Variants in PCDHGB6 observed in about 807,000 individuals in gnomAD.
PCDHGB6 encodes the protein protocadherin gamma subfamily B, 6.
In PCDHGB6, 51 loss-of-function variants were observed where a neutral mutation model predicts 59.1. That is an observed-to-expected ratio of 0.86 (90% CI 0.69 to 1.09). The LOEUF is 1.09. Among genes scored for constraint, PCDHGB6 ranks in the 50% least tolerant of loss-of-function variants. PCDHGB6 has a pLI of 0.00. For synonymous variants in PCDHGB6, 466 were observed against 495.1 expected, an observed-to-expected ratio of 0.94 and a Z score of 0.78; for missense variants, 1,148 against 1,205.1, an observed-to-expected ratio of 0.95 and a Z score of 0.70.
Position 141,429,441 on chromosome 5 carries a change from T to C in PCDHGB6, c.2418+18821T>C, listed in dbSNP as rs541676798. On this transcript the variant is annotated intron_variant, in intron 1 of 3. Transcript: ENST00000520790. ...TGTTGCCCAGGCTGGACTCAAACTCTTGGGCTACAGTAATCCTCCCACCTC... is the reference window on the plus strand; with the variant it reads ...TGTTGCCCAGGCTGGACTCAAACTCCTGGGCTACAGTAATCCTCCCACCTC... 1.5e-4 allele frequency among the ~76,000 whole-genome samples: 23 copies of C among 152,170 alleles called. No individual in the cohort carries two copies. The South Asian group carries it at 4.6e-3, about 30-fold the overall frequency.
In PCDHGB6 at chr5:141,477,406, A is replaced by G. The variant is rs1004061582; in HGVS notation, c.2419-17401A>G. The G allele has an allele frequency of 6.2e-7, 1 of 1,614,154 alleles. No individual in the cohort carries two copies. Among genetic ancestry groups the G allele is most frequent in the Non-Finnish European group, 8.5e-7 (1 of 1,180,040 alleles). The stretch of plus-strand genomic sequence containing the variant: ...AATACAACCTCAGCATCACCGCCCG[A>G]GACGCCGGAACCCCTTCCCTCTCAG... On this transcript the variant is annotated intron_variant, in intron 1 of 3. Transcript: ENST00000520790. The surrounding 1 kb of genome is among the most constrained non-coding windows in gnomAD (Gnocchi z 4.9).
chr5:141,501,327 AC>A (rs1208116606), intron 2 of PCDHGB6, among the ~76,000 whole-genome samples: 2 of 151,364 alleles, frequency 1.3e-5, no homozygotes, highest in Non-Finnish European at 2.9e-5. Context: ...ACACACACAC[AC>A]ACACACCCCA....
At chr5:141,479,590 A>T (rs2099500448) in intron 1 of PCDHGB6, 1 of 152,182 alleles carries the variant, frequency 6.6e-6, no homozygotes, top group Non-Finnish European at 1.5e-5. Context: ...TAGCCACTGC[A>T]CTCCAGCCTA....
At chr5:141,441,730 A>T in intron 1 of PCDHGB6, 1 of 362,750 alleles carries the variant, frequency 2.8e-6, no homozygotes, top group South Asian at 2.2e-5. Context: ...CGCGACCAGG[A>T]CTAGCTCGCG....
Position 141,489,424 on chromosome 5 carries a change from C to T in PCDHGB6, c.2419-5383C>T, listed in dbSNP as rs758049228. The T allele has an allele frequency of 5.0e-5, 80 of 1,613,958 alleles. No homozygotes were observed. In the Admixed American group the frequency reaches 1.1e-3, roughly 23 times the overall value. On this transcript the variant is annotated intron_variant, in intron 1 of 3. Coordinates refer to ENST00000520790, the MANE Select transcript of PCDHGB6 (RefSeq NM_018926.3). The surrounding 1 kb of genome is among the most constrained non-coding windows in gnomAD (Gnocchi z 4.5). ...CTTAAAGATGACAGATCTGTTGAGC[C>T]GGCGGCTGCAATTGGGCTCTGAGGA...
intron 2 of PCDHGB6, among the ~76,000 whole-genome samples, chr5:141,501,907 G>T (rs4912761): frequency 0.59 from 89,145 of 151,782 alleles, 27,774 homozygotes; most frequent in African/African-American, 0.8. Context: ...CAACCCCACT[G>T]TTCCACTCAG....
At chr5:141,468,822 A>C (rs867400152) in intron 1 of PCDHGB6, among the ~76,000 whole-genome samples, 4 of 151,874 alleles carry the variant, frequency 2.6e-5, no homozygotes, top group Middle Eastern at 3.4e-3. Context: ...GCCAAGATCA[A>C]GCCACTGCAC....
Position 141,512,495 on chromosome 5 carries a change from C to T in PCDHGB6, c.*1322C>T, listed in dbSNP as rs2099884264. 1 of 152,920 alleles carries T rather than the reference C, an allele frequency of 6.5e-6. No homozygotes were observed. The highest frequency in any genetic ancestry group is 1.5e-5 in the Non-Finnish European group (1 of 68,240). The allele number at this position is 152,920 out of a possible 1,614,324, so 9.5% of individuals were successfully genotyped here. A position where few individuals can be genotyped will look rare whatever the true frequency, so the allele number is the denominator to read the frequency against. On this transcript the variant is annotated 3_prime_UTR_variant, in exon 4 of 4. Coordinates refer to ENST00000520790, the MANE Select transcript of PCDHGB6 (RefSeq NM_018926.3). ...TTCCGTGAAGGCCACTGCCCAGGTCCCCAGTGCGCCCCCTAGTGGCCATAG... is the reference window on the plus strand; with the variant it reads ...TTCCGTGAAGGCCACTGCCCAGGTCTCCAGTGCGCCCCCTAGTGGCCATAG...
chr5:141,465,502 G>A (rs948827391), intron 1 of PCDHGB6, among the ~76,000 whole-genome samples: 6 of 152,268 alleles, frequency 3.9e-5, no homozygotes, highest in Admixed American at 2.0e-4. Context: ...GAGCATTGTC[G>A]TGGTCAGGAA....
At chr5:141,496,698 C>T (rs2099770595) in intron 2 of PCDHGB6, among the ~76,000 whole-genome samples, 1 of 152,196 alleles carries the variant, frequency 6.6e-6, no homozygotes, top group Non-Finnish European at 1.5e-5. Context: ...CCAACCTTCT[C>T]ATAAGTTATC....
rs112156044 is a variant in PCDHGB6, at chr5:141,476,771, G to T, written c.2419-18036G>T. ...CCAGTTAGTGCTGACGGCGTTGGAC[G>T]GAGGGACCCCAGCTCTCTCCGCCAG... On this transcript the variant is annotated intron_variant, in intron 1 of 3. Coordinates refer to ENST00000520790, the MANE Select transcript of PCDHGB6 (RefSeq NM_018926.3). The surrounding 1 kb of genome is among the most constrained non-coding windows in gnomAD (Gnocchi z 7.6). The T allele has an allele frequency of 6.2e-7, 1 of 1,613,700 alleles. No homozygotes were observed. The highest frequency in any genetic ancestry group is 1.1e-5 in the South Asian group (1 of 91,084).
At chr5:141,449,737 A>T (rs1174103155) in intron 1 of PCDHGB6, among the ~76,000 whole-genome samples, 3 of 151,666 alleles carry the variant, frequency 2.0e-5, no homozygotes, top group Non-Finnish European at 4.4e-5. Flanking sequence ...TTTTTATGAC[A>T]TGATTATTTT....
At chr5:141,497,209 TG>T (rs11343387) in intron 2 of PCDHGB6, among the ~76,000 whole-genome samples, 90,704 of 151,262 alleles carry the variant, frequency 0.6, 29,397 homozygotes, top group African/African-American at 0.86. Context: ...GTGAGTGTAA[TG>T]GGGGGGGGAA....
rs946798767 is a variant in PCDHGB6 at position 141,438,591 on chromosome 5, C to CATATAT, written c.2418+28011_2418+28016dup. Among the ~76,000 whole-genome samples the CATATAT allele has an allele frequency of 1.5e-3, 111 of 75,470 alleles. 1 individual carries two copies. Among genetic ancestry groups the CATATAT allele is most frequent in the Non-Finnish European group, 2.3e-3 (84 of 37,244 alleles). 49.5% of individuals were successfully genotyped at this position (75,470 alleles called of 152,430 possible). A position where few individuals can be genotyped will look rare whatever the true frequency, so the allele number is the denominator to read the frequency against. ...TCTGATATACATACATACATACATA[C>CATATAT]ATATATATATATATATATATATATA... On this transcript the variant is annotated intron_variant, in intron 1 of 3. Transcript: ENST00000520790.
rs765818637 is a variant in PCDHGB6 at position 141,409,918 on chromosome 5, C to T, written c.1716C>T (p.Ser572=). ...VLYPALGPDG[S]AFFDMVPRSA... ...ACCCAGCTCTGGGTCCTGACGGCTC[C>T]GCGTTCTTCGATATGGTACCTCGCT... Residue 572 remains serine, a synonymous_variant, in exon 1 of 4, where the codon TCC becomes TCT. Coordinates refer to ENST00000520790, the MANE Select transcript of PCDHGB6 (RefSeq NM_018926.3). 1.9e-6 allele frequency: 3 copies of T among 1,613,222 alleles called. No individual in the cohort carries two copies. In the African/African-American group the frequency reaches 4.0e-5, roughly 22 times the overall value.
At chr5:141,448,730 G>A (rs1419700194) in intron 1 of PCDHGB6, among the ~76,000 whole-genome samples, 1 of 152,072 alleles carries the variant, frequency 6.6e-6, no homozygotes, top group African/African-American at 2.4e-5. Context: ...CACGAGGTCA[G>A]GAGATCGAGA....
At chr5:141,419,311 C>G (rs745852942) in intron 1 of PCDHGB6, 1 of 1,613,994 alleles carries the variant, frequency 6.2e-7, no homozygotes, top group Non-Finnish European at 8.5e-7. Flanking sequence ...TCGGGCTCAA[C>G]GGCCGTGTCT....
rs757157488 is a variant in PCDHGB6 at position 141,477,668 on chromosome 5, A to G, written c.2419-17139A>G. ...TTTCACAATAAATCGTGACAATGGC[A>G]TAGTGTCATCCTTAGTGCCCCTAGA... On this transcript the variant is annotated intron_variant, in intron 1 of 3. Coordinates refer to ENST00000520790, the MANE Select transcript of PCDHGB6 (RefSeq NM_018926.3). The surrounding 1 kb of genome is among the most constrained non-coding windows in gnomAD (Gnocchi z 4.9). 10 of 1,614,104 alleles carry G rather than the reference A, an allele frequency of 6.2e-6. No individual in the cohort carries two copies. Among genetic ancestry groups the G allele is most frequent in the Non-Finnish European group, 8.5e-6 (10 of 1,180,046 alleles).
At position 141,413,304 on chromosome 5, in the gene PCDHGB6, A is replaced by T; in HGVS notation, c.2418+2684A>T. The T allele has an allele frequency of 1.9e-6, 3 of 1,613,982 alleles. No individual in the cohort carries two copies. The Admixed American group carries it at 5.0e-5, about 27-fold the overall frequency. On this transcript the variant is annotated intron_variant, in intron 1 of 3. Transcript: ENST00000520790. Reference sequence around the variant, plus strand: ...TCTCCTACTCAATTCCTGAGGAATTAGAGAAAGGCTCTTTCGTGGGCAACA... The same window carrying T: ...TCTCCTACTCAATTCCTGAGGAATTTGAGAAAGGCTCTTTCGTGGGCAACA...
Sources: allele counts gnomAD v4.1 joint callset (sites outside exome capture counted in the v4.1 genomes callset), GRCh38; gene constraint gnomAD v4.1.1; non-coding constraint Gnocchi (gnomAD v3.1); transcripts MANE v1.5; gene names NCBI Gene and HGNC (gene_info 2026-07-23, HGNC 2026-07-21).